The following MIA2 variants were observed in gnomAD, a reference collection of about 807,000 sequenced individuals.
The protein encoded by MIA2 is melanoma inhibitory activity protein 2.
In MIA2, 127 loss-of-function variants were observed where a neutral mutation model predicts 167.8. The ratio of observed to expected loss-of-function variants is 0.76; its 90% confidence interval spans 0.66 to 0.88. The LOEUF (loss-of-function observed/expected upper bound fraction) is 0.88, where lower values mean the gene tolerates loss of function less well. Ranked by LOEUF, MIA2 falls within the 40% of genes least tolerant of loss-of-function variation. MIA2 has a pLI of 0.00. For missense variants in MIA2, 1,690 were observed against 1,624.7 expected (o/e 1.04, Z -0.69); for synonymous variants, 552 against 541.9 (o/e 1.02, Z -0.26).
intron 24 of MIA2, among the ~76,000 whole-genome samples, chr14:39,322,920 ATTGAAT>A (rs926614408): frequency 6.6e-6 from 1 of 152,244 alleles, no homozygotes; most frequent in Non-Finnish European, 1.5e-5. Flanking sequence ...ATTTTAACAG[ATTGAAT>A]TTGAGATAGG....
intron 6 of MIA2, among the ~76,000 whole-genome samples, chr14:39,257,474 T>C (rs1421975013): frequency 1.3e-5 from 2 of 152,188 alleles, no homozygotes; most frequent in African/African-American, 2.4e-5. Context: ...AGCCTATGTG[T>C]GTCTTTGCAC....
chr14:39,248,075 T>C lies in MIA2; in HGVS notation c.1501T>C (p.Ser501Pro). The C allele has an allele frequency of 1.3e-6, 2 of 1,566,474 alleles. No individual in the cohort carries two copies. The highest frequency in any genetic ancestry group is 2.5e-5 in the South Asian group (2 of 80,640). ...TGAAAATGAAGAAACTGGAGAATTT[T>C]CCATTGATAATTATCCCACAGATAA... is the stretch of plus-strand genomic sequence containing the variant. The part of the protein sequence containing the change: ...VIENEETGEF[S>P]IDNYPTDNTK... Residue 501 changes from serine (S) to proline (P), a missense_variant, in exon 4 of 29, where the codon TCC becomes CCC. Physicochemically the swap from Ser to Pro is moderately conservative, Grantham distance 74. Transcript: ENST00000640607.
chr14:39,359,503 G>A (rs1026375773), intron 23 of MIA2, among the ~76,000 whole-genome samples: 12 of 152,142 alleles, frequency 7.9e-5, no homozygotes, highest in African/African-American at 2.9e-4. Flanking sequence ...CGCTTCCCAG[G>A]TGAGGCGATG....
chr14:39,363,819 T>G (rs1445904490), intron 23 of MIA2, among the ~76,000 whole-genome samples: 1 of 152,242 alleles, frequency 6.6e-6, no homozygotes, highest in Non-Finnish European at 1.5e-5. Context: ...TTATCTCATG[T>G]AAGTACTCTT....
rs762859458 is a variant in MIA2, at chr14:39,304,278, C to T, written c.2788-13C>T. On this transcript the variant is annotated splice_polypyrimidine_tract_variant and intron_variant, in intron 16 of 28. Coordinates refer to ENST00000640607, the MANE Select transcript of MIA2 (RefSeq NM_001329214.4). Reference sequence around the variant, plus strand: ...GATTAATGTTACTTTTTTCCTTCTTCCCTTCTTTAAAGTTAAATGCTTCTT... The same window carrying T: ...GATTAATGTTACTTTTTTCCTTCTTTCCTTCTTTAAAGTTAAATGCTTCTT... 1.8e-5 allele frequency: 22 copies of T among 1,252,896 alleles called. No individual in the cohort carries two copies. Among genetic ancestry groups the T allele is most frequent in the Middle Eastern group, 2.5e-4 (1 of 3,978 alleles). 77.6% of individuals were successfully genotyped at this position (1,252,896 alleles called of 1,614,324 possible).
intron 4 of MIA2, 72 bp from the exon 5 acceptor site, chr14:39,252,676 T>G: frequency 8.5e-7 from 1 of 1,176,694 alleles, no homozygotes; most frequent in South Asian, 1.4e-5. Context: ...ATGACCTGCC[T>G]AGAAAACAAA....
intron 23 of MIA2, among the ~76,000 whole-genome samples, chr14:39,357,612 T>C (rs2074562756): frequency 6.6e-6 from 1 of 152,198 alleles, no homozygotes; most frequent in African/African-American, 2.4e-5. Flanking sequence ...TAGCTGGTTA[T>C]TTTGCTCGTT....
At chr14:39,234,456 T>A (rs1295273437) in intron 1 of MIA2, among the ~76,000 whole-genome samples, 1 of 152,070 alleles carries the variant, frequency 6.6e-6, no homozygotes, top group Admixed American at 6.6e-5. Context: ...TAGAAATATA[T>A]CAGAAGTTAA....
At chr14:39,275,864 A>G (rs1205936218) in intron 6 of MIA2, among the ~76,000 whole-genome samples, 3 of 152,216 alleles carry the variant, frequency 2.0e-5, no homozygotes, top group Admixed American at 6.5e-5. Context: ...TTAGAAGTAT[A>G]ATCAGGTTTG....
intron 23 of MIA2, among the ~76,000 whole-genome samples, chr14:39,364,219 G>A (rs139774381): frequency 3.9e-5 from 6 of 152,234 alleles, no homozygotes; most frequent in African/African-American, 1.4e-4. Context: ...TTAGCTGGGT[G>A]TGGTGGCGCG....
At chr14:39,371,458 T>C (rs2074945058) in intron 23 of MIA2, among the ~76,000 whole-genome samples, 1 of 152,220 alleles carries the variant, frequency 6.6e-6, no homozygotes, top group South Asian at 2.1e-4. Context: ...TGATTTTTAG[T>C]CTGTTTTTGC....
intron 14 of MIA2, among the ~76,000 whole-genome samples, chr14:39,300,726 T>C (rs1440833698): frequency 1.4e-5 from 2 of 148,100 alleles, no homozygotes; most frequent in African/African-American, 5.0e-5. Context: ...AAATGACGAG[T>C]TAATGGGTAC....
intron 25 of MIA2, among the ~76,000 whole-genome samples, chr14:39,342,625 T>C (rs1363799883): frequency 6.6e-6 from 1 of 152,186 alleles, no homozygotes; most frequent in Non-Finnish European, 1.5e-5. Context: ...TGAGATATTA[T>C]AGCACAATCC....
chr14:39,308,722 G>C, intron 18 of MIA2, 135 bp downstream of exon 18: 4 of 767,984 alleles, frequency 5.2e-6, no homozygotes, highest in Non-Finnish European at 7.8e-6. Flanking sequence ...TTATTTTTAA[G>C]AAAGGTATTT....
intron 23 of MIA2, among the ~76,000 whole-genome samples, chr14:39,375,574 G>A (rs886480738): frequency 1.3e-5 from 2 of 152,188 alleles, no homozygotes; most frequent in Admixed American, 6.5e-5. Context: ...GCGCATGTCT[G>A]TAATCCCAGC....
At chr14:39,312,830 A>G (rs1305083473) in intron 18 of MIA2, among the ~76,000 whole-genome samples, 1 of 152,048 alleles carries the variant, frequency 6.6e-6, no homozygotes. Flanking sequence ...ATAGAATTAG[A>G]TGTAGTAAAT....
downstream of MIA2, chr14:39,351,387 A>C (rs1281966507): frequency 2.6e-5 from 4 of 151,362 alleles, no homozygotes; most frequent in African/African-American, 9.7e-5. Flanking sequence ...TCAAAAAAAA[A>C]AAACAAAAAA....
chr14:39,256,011 T>C (rs2054800300), intron 6 of MIA2, among the ~76,000 whole-genome samples: 1 of 152,230 alleles, frequency 6.6e-6, no homozygotes, highest in South Asian at 2.1e-4. Flanking sequence ...TTGTATTGTC[T>C]AAGAAAATTA....
chr14:39,316,084 T>C (rs537667392), intron 21 of MIA2, among the ~76,000 whole-genome samples: 89 of 152,308 alleles, frequency 5.8e-4, no homozygotes, highest in Admixed American at 5.8e-3. Flanking sequence ...AACAATGGGA[T>C]TAGATTAAGT....
Sources: allele counts gnomAD v4.1 joint callset (sites outside exome capture counted in the v4.1 genomes callset), GRCh38; gene constraint gnomAD v4.1.1; transcripts MANE v1.5; gene names NCBI Gene and HGNC (gene_info 2026-07-23, HGNC 2026-07-21).